The following TAF1 variants were observed in gnomAD, a reference collection of about 807,000 sequenced individuals.
TAF1 encodes TATA-box binding protein associated factor 1, also known as transcription initiation factor TFIID subunit 1.
Under a neutral mutation model 138.5 loss-of-function variants are expected in TAF1, and 2 were observed. The ratio of observed to expected loss-of-function variants is 0.01; its 90% CI spans 0.01 to 0.05. The LOEUF (loss-of-function observed/expected upper bound fraction) is 0.05. Ranked by LOEUF, TAF1 falls within the 10% of genes least tolerant of loss-of-function variation. The probability of loss-of-function intolerance (pLI) is 1.00; values close to 1 mark genes in which losing one functional copy is unlikely to be tolerated. For synonymous variants in TAF1, 437 were observed against 503.2 expected (o/e 0.87, Z 1.76); for missense variants, 709 against 1,478.0 (o/e 0.48, Z 8.53).
intron 32 of TAF1, among the ~76,000 whole-genome samples, chrX:71,452,767 C>T (rs768300211): frequency 3.6e-5 from 4 of 112,143 alleles, no homozygotes; most frequent in East Asian, 5.6e-4. Context: ...CCAGCCTGGG[C>T]ACCATTGAGC....
chrX:71,437,773 C>T (rs752454847), intron 32 of TAF1, among the ~76,000 whole-genome samples: 1 of 108,779 alleles, frequency 9.2e-6, no homozygotes, highest in Admixed American at 9.9e-5. Flanking sequence ...GTCTCTTTCT[C>T]TTTCCATACA....
At chrX:71,416,610 C>T (rs1490044929) in intron 28 of TAF1, 1 of 313,466 alleles carries the variant, frequency 3.2e-6, no homozygotes, top group Non-Finnish European at 6.0e-6. Context: ...GGTTCTTTTT[C>T]CATCTAGGAA....
intron 32 of TAF1, among the ~76,000 whole-genome samples, chrX:71,426,844 T>G (rs2036618124): frequency 1.8e-5 from 2 of 111,911 alleles, no homozygotes; most frequent in Admixed American, 1.9e-4. Context: ...GAGTTTGTAC[T>G]TGATCCTAAA....
At chrX:71,454,147 G>T in intron 32 of TAF1, 23 bp from the exon 33 acceptor site, 2 of 1,184,813 alleles carry the variant, frequency 1.7e-6, no homozygotes, top group African/African-American at 1.7e-5. Flanking sequence ...AAAGATAATG[G>T]CACTTTCTTA....
chrX:71,408,100 G>C lies in TAF1; in HGVS notation c.4333G>C (p.Glu1445Gln). ...VRKRLYPSRE[E>Q]FREHLELIVK... ...TAAACGCCTCTACCCATCTCGGGAA[G>C]AGTTCAGAGAGCATCTGGAGCTAAT... The change falls in exon 28 of 38, where the codon GAG becomes CAG. Residue 1445 changes from glutamate (E) to glutamine (Q), a missense_variant. Transcript: ENST00000423759. The C allele has an allele frequency of 1.7e-6, 2 of 1,211,603 alleles. No homozygotes were observed. The highest frequency in any genetic ancestry group is 2.2e-6 in the Non-Finnish European group (2 of 895,570).
intron 25 of TAF1, among the ~76,000 whole-genome samples, chrX:71,404,557 G>A (rs981803905): frequency 1.8e-5 from 2 of 110,287 alleles, no homozygotes; most frequent in Non-Finnish European, 1.9e-5. Flanking sequence ...GGCTGGTCTC[G>A]AACTCCCGAC....
At chrX:71,518,378 C>T (rs1006984621) in intron 13 of TAF1, among the ~76,000 whole-genome samples, 1 of 110,130 alleles carries the variant, frequency 9.1e-6, no homozygotes, top group African/African-American at 3.3e-5. Context: ...CCATGTTGCC[C>T]AGGGTGGTTT....
chrX:71,507,436 C>T (rs975952922), intron 13 of TAF1, among the ~76,000 whole-genome samples: 2 of 110,636 alleles, frequency 1.8e-5, no homozygotes, highest in Non-Finnish European at 1.9e-5. Context: ...CACTATGTTG[C>T]CCAAGCTGGT....
At chrX:71,524,834 C>T (rs1378272619) in intron 13 of TAF1, among the ~76,000 whole-genome samples, 7 of 105,421 alleles carry the variant, frequency 6.6e-5, no homozygotes, top group South Asian at 8.8e-4. Flanking sequence ...CCAACTACTC[C>T]GGAGGCTGAG....
At chrX:71,422,885 G>C (rs2036423056) in intron 29 of TAF1, among the ~76,000 whole-genome samples, 1 of 110,462 alleles carries the variant, frequency 9.1e-6, no homozygotes, top group Non-Finnish European at 1.9e-5. Flanking sequence ...GACTATAGGC[G>C]CCCGCCACCA....
chrX:71,488,239 CTTTT>C (rs368273639), intron 13 of TAF1, among the ~76,000 whole-genome samples: 1 of 71,316 alleles, frequency 1.4e-5, no homozygotes. Flanking sequence ...TAGGTGGTTT[CTTTT>C]TTTTTTTTTT....
At chrX:71,452,100 G>A (rs1467389310) in intron 32 of TAF1, among the ~76,000 whole-genome samples, 1 of 100,522 alleles carries the variant, frequency 9.9e-6, no homozygotes, top group Admixed American at 1.0e-4. Context: ...CTGGCCGGGC[G>A]GGGGGCTGAC....
chrX:71,382,169 T>G (rs1298694030), intron 9 of TAF1, among the ~76,000 whole-genome samples: 1 of 112,220 alleles, frequency 8.9e-6, no homozygotes, highest in Non-Finnish European at 1.9e-5. Flanking sequence ...TAGTGAATCA[T>G]GGACTCGAAA....
chrX:71,431,791 C>T (rs377078899), intron 32 of TAF1, among the ~76,000 whole-genome samples: 1 of 109,606 alleles, frequency 9.1e-6, no homozygotes, highest in South Asian at 4.0e-4. Context: ...TGGCATGCAC[C>T]GGTAGTCCCA....
At chrX:71,389,424 T>C (rs1278254231) in intron 17 of TAF1, among the ~76,000 whole-genome samples, 161 bp from the exon 18 acceptor site, 2 of 112,148 alleles carry the variant, frequency 1.8e-5, no homozygotes, top group Non-Finnish European at 3.8e-5. Context: ...ATGTATCTTA[T>C]AGCTTAAGGA....
chrX:71,367,969 C>G, intron 2 of TAF1, 85 bp from the exon 3 acceptor site: 3 of 1,023,212 alleles, frequency 2.9e-6, no homozygotes, highest in East Asian at 3.0e-5. Context: ...CCGCATCCAG[C>G]CTGTACATGT....
chrX:71,405,590 A>G (rs918755524), intron 25 of TAF1, among the ~76,000 whole-genome samples: 3 of 112,164 alleles, frequency 2.7e-5, no homozygotes, highest in South Asian at 7.3e-4. Context: ...AGCTCAGGCA[A>G]TCCGCCTGCC....
Position 71,454,780 on chromosome X carries a change from ACTG to A in TAF1, c.4864_4866del (p.Ala1622del). On this transcript the variant is annotated inframe_deletion, in exon 34 of 38. Coordinates refer to ENST00000423759, the MANE Select transcript of TAF1 (RefSeq NM_004606.5). ...GACTCAACTTGAGAAGGATATTTGT[ACTG>A]CTAAAGAAGCAGCTTTGGAGGAAGC... 8.3e-7 allele frequency: 1 copy of A among 1,210,899 alleles called. No individual in the cohort carries two copies. Among genetic ancestry groups the A allele is most frequent in the Non-Finnish European group, 1.1e-6 (1 of 895,332 alleles).
intron 32 of TAF1, among the ~76,000 whole-genome samples, chrX:71,432,066 A>G (rs2036918215): frequency 9.0e-6 from 1 of 111,454 alleles, no homozygotes. Flanking sequence ...GAGGATGGTT[A>G]TTAGAAGTTA....
Sources: allele counts gnomAD v4.1 joint callset (sites outside exome capture counted in the v4.1 genomes callset), GRCh38; gene constraint gnomAD v4.1.1; transcripts MANE v1.5; gene names NCBI Gene and HGNC (gene_info 2026-07-23, HGNC 2026-07-21).